Variants in DLG2 observed in about 807,000 individuals in gnomAD.
DLG2 encodes discs large MAGUK scaffold protein 2.
In DLG2, 45 loss-of-function variants were observed where a neutral mutation model predicts 132.5. The ratio of observed to expected loss-of-function variants is 0.34; its 90% CI spans 0.27 to 0.44. The LOEUF (loss-of-function observed/expected upper bound fraction) is 0.44, where lower values mean the gene tolerates loss of function less well. Ranked by LOEUF, DLG2 falls within the 20% of genes least tolerant of loss-of-function variation. The probability of loss-of-function intolerance (pLI) is 1.00; values close to 1 mark genes in which losing one functional copy is unlikely to be tolerated. For synonymous variants in DLG2, 424 were observed against 419.6 expected, an observed-to-expected ratio of 1.01 and a Z score of -0.13; for missense variants, 1,045 against 1,196.9, an observed-to-expected ratio of 0.87 and a Z score of 1.87.
chr11:85,071,496 CAATAT>C (rs1277943272), intron 6 of DLG2, among the ~76,000 whole-genome samples: 1 of 151,742 alleles, frequency 6.6e-6, no homozygotes, highest in Non-Finnish European at 1.5e-5. Flanking sequence ...TTGAAAGCGA[CAATAT>C]GATAGGCATC....
chr11:84,422,708 C>T (rs937991375), intron 7 of DLG2, among the ~76,000 whole-genome samples: 3 of 152,030 alleles, frequency 2.0e-5, no homozygotes, highest in Admixed American at 6.6e-5. Flanking sequence ...TAGCTGAAAC[C>T]TAAATTGTCA....
chr11:84,966,808 C>T (rs2053414683), intron 6 of DLG2, among the ~76,000 whole-genome samples: 1 of 152,016 alleles, frequency 6.6e-6, no homozygotes, highest in South Asian at 2.1e-4. Context: ...TTCTACAGTA[C>T]ACGGGAAAAC....
At chr11:84,875,205 G>C (rs2086151901) in intron 6 of DLG2, among the ~76,000 whole-genome samples, 1 of 152,036 alleles carries the variant, frequency 6.6e-6, no homozygotes, top group African/African-American at 2.4e-5. Flanking sequence ...CTTAGTTATG[G>C]ATACATTGGT....
intron 6 of DLG2, among the ~76,000 whole-genome samples, chr11:84,917,052 A>G (rs1194606913): frequency 6.6e-6 from 1 of 152,190 alleles, no homozygotes; most frequent in Non-Finnish European, 1.5e-5. Flanking sequence ...AGCACTTATC[A>G]CTATGTACTA....
At chr11:83,861,768 G>A (rs1287944992) in intron 16 of DLG2, among the ~76,000 whole-genome samples, 3 of 152,094 alleles carry the variant, frequency 2.0e-5, no homozygotes, top group Non-Finnish European at 2.9e-5. Flanking sequence ...GATGGTTAAT[G>A]GGTACTAAAA....
At chr11:85,030,279 A>C (rs2060897486) in intron 6 of DLG2, among the ~76,000 whole-genome samples, 1 of 152,196 alleles carries the variant, frequency 6.6e-6, no homozygotes, top group Non-Finnish European at 1.5e-5. Context: ...TAGGTTCGCT[A>C]AGTCAGTAAA....
intron 6 of DLG2, among the ~76,000 whole-genome samples, chr11:84,550,453 A>AT (rs2099399674): frequency 6.6e-6 from 1 of 152,160 alleles, no homozygotes; most frequent in African/African-American, 2.4e-5. Flanking sequence ...AGAAAAAAAA[A>AT]GTCTCAGACA....
rs111461567 is a variant in DLG2 at position 84,255,187 on chromosome 11, T to G, written c.520-3896A>C. On this transcript the variant is annotated intron_variant, in intron 7 of 27. Coordinates refer to ENST00000376104, the MANE Select transcript of DLG2 (RefSeq NM_001142699.3). The stretch of plus-strand genomic sequence containing the variant: ...TCTGGCTCCTGATTCTTTGTTCACT[T>G]TTACAGTCAAGAGAGGCTATGACTA... Among the ~76,000 whole-genome samples, 1,133 of 152,284 alleles carry G rather than the reference T, an allele frequency of 7.4e-3. 18 individuals are homozygous for G. Among genetic ancestry groups the G allele is most frequent in the African/African-American group, 0.025 (1,032 of 41,564 alleles).
intron 8 of DLG2, among the ~76,000 whole-genome samples, chr11:84,234,285 T>C (rs2097131419): frequency 6.6e-6 from 1 of 152,194 alleles, no homozygotes; most frequent in Non-Finnish European, 1.5e-5. Context: ...TTTCCTTTCA[T>C]TCCCACTCTA....
intron 9 of DLG2, among the ~76,000 whole-genome samples, chr11:84,163,228 T>C (rs1043084530): frequency 5.9e-5 from 9 of 152,154 alleles, no homozygotes; most frequent in South Asian, 2.1e-4. Context: ...TCTTTTCCAT[T>C]CATTTCTCCA....
intron 6 of DLG2, chr11:84,720,466 C>A (rs1244539667): frequency 2.4e-5 from 24 of 985,164 alleles, no homozygotes; most frequent in Non-Finnish European, 2.9e-5. Flanking sequence ...GCACATGGAG[C>A]GACAGCCTAG....
chr11:84,661,406 C>A (rs1222014014), intron 6 of DLG2, among the ~76,000 whole-genome samples: 4 of 151,976 alleles, frequency 2.6e-5, no homozygotes, highest in Non-Finnish European at 5.9e-5. Flanking sequence ...TCGTGGGGAC[C>A]CATTTTATCC....
intron 15 of DLG2, among the ~76,000 whole-genome samples, chr11:83,879,630 C>T (rs2065655175): frequency 6.6e-6 from 1 of 152,142 alleles, no homozygotes; most frequent in Admixed American, 6.5e-5. Flanking sequence ...ACGTCATCAC[C>T]TTCCCACATG....
chr11:85,154,282 G>T (rs1356531895), intron 5 of DLG2, among the ~76,000 whole-genome samples: 1 of 151,862 alleles, frequency 6.6e-6, no homozygotes, highest in African/African-American at 2.4e-5. Context: ...GAGGAAAAGT[G>T]AAATAGCTTA....
At chr11:84,740,497 C>T (rs1175679696) in intron 6 of DLG2, among the ~76,000 whole-genome samples, 1 of 151,198 alleles carries the variant, frequency 6.6e-6, no homozygotes, top group Non-Finnish European at 1.5e-5. Context: ...AAGCCCTACC[C>T]AGCCACTGTG....
At chr11:83,992,772 T>C (rs1260004237) in intron 11 of DLG2, among the ~76,000 whole-genome samples, 1 of 152,010 alleles carries the variant, frequency 6.6e-6, no homozygotes, top group Non-Finnish European at 1.5e-5. Flanking sequence ...GAAAGGACAG[T>C]GGAGATGAAT....
chr11:85,508,234 C>A (rs1267034424), intron 3 of DLG2, among the ~76,000 whole-genome samples: 1 of 151,794 alleles, frequency 6.6e-6, no homozygotes, highest in Non-Finnish European at 1.5e-5. Context: ...ACTCTCCATC[C>A]AGCTTGACAG....
intron 7 of DLG2, among the ~76,000 whole-genome samples, chr11:84,332,065 A>G (rs1217812790): frequency 6.6e-6 from 1 of 152,208 alleles, no homozygotes; most frequent in East Asian, 1.9e-4. Flanking sequence ...TGTAATTTGT[A>G]CAGCAAAGGG....
At chr11:84,246,640 T>C (rs377302489) in intron 8 of DLG2, among the ~76,000 whole-genome samples, 12 of 152,144 alleles carry the variant, frequency 7.9e-5, no homozygotes, top group South Asian at 4.1e-4. Flanking sequence ...GAAGGAAAAA[T>C]ATAATCATGT....
Sources: allele counts gnomAD v4.1 joint callset (sites outside exome capture counted in the v4.1 genomes callset), GRCh38; gene constraint gnomAD v4.1.1; transcripts MANE v1.5; gene names NCBI Gene and HGNC (gene_info 2026-07-23, HGNC 2026-07-21).